The following ATP5MC2 variants were observed in gnomAD, a reference collection of about 807,000 sequenced individuals.
The protein encoded by ATP5MC2 is ATP synthase F(0) complex subunit C2, mitochondrial.
In ATP5MC2, 11 loss-of-function variants were observed where a neutral mutation model predicts 13.5. The observed-to-expected ratio is 0.81, with a 90% CI of 0.51 to 1.35. ATP5MC2 has a LOEUF of 1.35. Ranked by LOEUF, ATP5MC2 falls within the 40% of genes most tolerant of loss-of-function variation. The pLI is 0.00. For synonymous variants in ATP5MC2, 64 were observed against 69.7 expected, an observed-to-expected ratio of 0.92 and a Z score of 0.41; for missense variants, 132 against 175.0, an observed-to-expected ratio of 0.75 and a Z score of 1.39.
chr12:53,669,432 TTCTCCCCCAAACAGA>T, intron 3 of ATP5MC2, 91 bp from the exon 4 acceptor site: 1 of 1,455,494 alleles, frequency 6.9e-7, no homozygotes, highest in Non-Finnish European at 9.1e-7. Context: ...ATCCCATTGT[TTCTCCCCCAAACAGA>T]AAATTGTTTA....
intron 3 of ATP5MC2, among the ~76,000 whole-genome samples, 169 bp from the exon 4 acceptor site, chr12:53,669,510 A>T (rs1202249832): frequency 6.6e-6 from 1 of 152,212 alleles, no homozygotes; most frequent in Admixed American, 6.5e-5. Context: ...GTAGACTTCA[A>T]ATGCCTTTAA....
intron 1 of ATP5MC2, among the ~76,000 whole-genome samples, chr12:53,675,696 A>T (rs1945241776): frequency 6.6e-6 from 1 of 152,242 alleles, no homozygotes; most frequent in African/African-American, 2.4e-5. Context: ...AAGAGAAAGC[A>T]GAGATAGGAG....
chr12:53,669,606 C>T (rs186498983), intron 3 of ATP5MC2, among the ~76,000 whole-genome samples: 1 of 152,306 alleles, frequency 6.6e-6, no homozygotes, highest in Non-Finnish European at 1.5e-5. Flanking sequence ...GGACTAAATG[C>T]TTCCAACTGA....
rs149857070 is a variant in ATP5MC2 at position 53,672,624 on chromosome 12, G to A, written c.-10C>T. 3 of 1,581,484 alleles carry A rather than the reference G, an allele frequency of 1.9e-6. No homozygotes were observed. In the Admixed American group the frequency reaches 5.5e-5, roughly 29 times the overall value. On this transcript the variant is annotated 5_prime_UTR_variant, in exon 2 of 5. Transcript: ENST00000394349. ...TGGAGCAGGCGAACATTTTCAGGGGGTGAGGAGCTGTGGCAGGAGAGCTGG... is the reference window on the plus strand; with the variant it reads ...TGGAGCAGGCGAACATTTTCAGGGGATGAGGAGCTGTGGCAGGAGAGCTGG...
At position 53,666,943 on chromosome 12, in the gene ATP5MC2, C is replaced by CAAAAAA. The variant is rs58565014; in HGVS notation, c.312-1521_312-1516dup. On this transcript the variant is annotated intron_variant, in intron 4 of 4. Transcript: ENST00000394349. ...TCTGGGAGACAGCGAGACTCAGTCT[C>CAAAAAA]AAAAAAAAAAAAAAAAAAGAAGTTA... Among the ~76,000 whole-genome samples, 454 of 103,364 alleles carry CAAAAAA rather than the reference C, an allele frequency of 4.4e-3. 5 individuals carry two copies. Among genetic ancestry groups the CAAAAAA allele is most frequent in the African/African-American group, 0.015 (431 of 28,192 alleles). 67.8% of individuals were successfully genotyped at this position (103,364 alleles called of 152,430 possible).
chr12:53,667,994 T>TATATAA (rs1219187071), intron 4 of ATP5MC2, among the ~76,000 whole-genome samples: 11 of 88,238 alleles, frequency 1.2e-4, no homozygotes, highest in South Asian at 3.2e-4. Context: ...TATATATATA[T>TATATAA]AAATTTTTTT....
At chr12:53,669,406 C>A (rs1350137074) in intron 3 of ATP5MC2, 65 bp from the exon 4 acceptor site, 1 of 1,500,556 alleles carries the variant, frequency 6.7e-7, no homozygotes, top group South Asian at 1.4e-5. Context: ...CCATTTAAAA[C>A]CCTTTAAGCT....
chr12:53,665,226 T>C lies in ATP5MC2; in HGVS notation c.*88A>G. The C allele has an allele frequency of 1.0e-6, 1 of 1,001,546 alleles. No individual in the cohort carries two copies. Among genetic ancestry groups the C allele is most frequent in the Non-Finnish European group, 1.5e-6 (1 of 669,420 alleles). 62.0% of individuals were successfully genotyped at this position (1,001,546 alleles called of 1,614,324 possible). A position where few individuals can be genotyped will look rare whatever the true frequency, so the allele number is the denominator to read the frequency against. On this transcript the variant is annotated 3_prime_UTR_variant, in exon 5 of 5. Transcript: ENST00000394349. ...TCTGTCAAACCCTGAGCCAACCACGTTCCCCAGGCTGCCTGGGGAGGTATA... is the reference window on the plus strand; with the variant it reads ...TCTGTCAAACCCTGAGCCAACCACGCTCCCCAGGCTGCCTGGGGAGGTATA...
intron 1 of ATP5MC2, chr12:53,673,854 C>A: frequency 5.8e-6 from 1 of 172,706 alleles, no homozygotes; most frequent in South Asian, 9.1e-5. Context: ...TTGTGTCTCC[C>A]CAAGATCTAA....
At chr12:53,669,843 C>T (rs1014173219) in intron 3 of ATP5MC2, 28 bp downstream of exon 3, 7 of 1,611,542 alleles carry the variant, frequency 4.3e-6, no homozygotes, top group Non-Finnish European at 5.9e-6. Context: ...ACCCCCAAAA[C>T]CACAGTCCCA....
At chr12:53,677,505 T>C (rs2120426193), upstream of ATP5MC2, 1 of 152,298 alleles carries the variant, frequency 6.6e-6, no homozygotes, top group Non-Finnish European at 1.5e-5. Flanking sequence ...TATGGGCCCG[T>C]TATTTCACAC....
At chr12:53,673,091 CG>C (rs1945149899) in intron 1 of ATP5MC2, 1 of 155,956 alleles carries the variant, frequency 6.4e-6, no homozygotes, top group Non-Finnish European at 1.4e-5. Context: ...GAGGCCGAGG[CG>C]GGCGGATCAC....
chr12:53,670,099 T>C lies in ATP5MC2; in HGVS notation c.40-151A>G, dbSNP rs1945053331. 4.2e-6 allele frequency: 3 copies of C among 719,282 alleles called. No homozygotes were observed. The East Asian group carries it at 8.5e-5, about 20-fold the overall frequency. 44.6% of individuals were successfully genotyped at this position (719,282 alleles called of 1,614,324 possible). Reference sequence around the variant, plus strand: ...TGTACGTTAGAGTTTTGGATCATTCTTCCTTTTAGCAAAGTCTAAATTAAA... The same window carrying C: ...TGTACGTTAGAGTTTTGGATCATTCCTCCTTTTAGCAAAGTCTAAATTAAA... On this transcript the variant is annotated intron_variant, in intron 2 of 4. Coordinates refer to ENST00000394349, the MANE Select transcript of ATP5MC2 (RefSeq NM_005176.7).
chr12:53,670,056 G>A (rs1385166262), intron 2 of ATP5MC2, 108 bp from the exon 3 acceptor site: 24 of 978,116 alleles, frequency 2.5e-5, no homozygotes, highest in Non-Finnish European at 3.9e-5. Context: ...TTCCTCTCAT[G>A]GCCTTTCCAT....
At chr12:53,666,128 T>G (rs898997670) in intron 4 of ATP5MC2, among the ~76,000 whole-genome samples, 7 of 151,824 alleles carry the variant, frequency 4.6e-5, no homozygotes, top group African/African-American at 1.7e-4. Flanking sequence ...GCCAACATGG[T>G]GAAACCCCGT....
intron 4 of ATP5MC2, among the ~76,000 whole-genome samples, chr12:53,666,602 A>G (rs1163775562): frequency 6.6e-6 from 1 of 150,892 alleles, no homozygotes; most frequent in Non-Finnish European, 1.5e-5. Context: ...AAGAAAAAAA[A>G]TACAAAAATT....
At chr12:53,679,238 CG>C (rs1488626323), upstream of ATP5MC2, among the ~76,000 whole-genome samples, 2 of 127,684 alleles carry the variant, frequency 1.6e-5, no homozygotes, top group Non-Finnish European at 3.2e-5. Context: ...ATTTTAAAAA[CG>C]AGAGAGAGAG....
intron 4 of ATP5MC2, among the ~76,000 whole-genome samples, chr12:53,667,954 C>CATATATATATATATAT (rs1464740488): frequency 2.6e-4 from 7 of 26,962 alleles, no homozygotes; most frequent in Non-Finnish European, 7.0e-4. Context: ...TACATACACA[C>CATATATATATATATAT]ACATATATAT....
chr12:53,676,434 T>G, upstream of ATP5MC2: 4 of 525,590 alleles, frequency 7.6e-6, no homozygotes, highest in South Asian at 9.5e-5. Flanking sequence ...AATTCAGTGT[T>G]AACATACGGT....
Sources: gnomAD v4.1 joint callset for allele counts (sites outside exome capture counted in the v4.1 genomes callset) on GRCh38, gnomAD v4.1.1 for gene constraint, MANE v1.5 for transcripts, NCBI Gene and HGNC (gene_info 2026-07-23, HGNC 2026-07-21) for gene names.